Variants in B9D1 observed in about 807,000 individuals in gnomAD.
B9D1 encodes the protein B9 domain containing 1.
Under a neutral mutation model 26.1 loss-of-function variants are expected in B9D1, and 20 were observed. That is an observed-to-expected ratio of 0.77 (90% CI 0.54 to 1.12). The LOEUF is 1.12. Ranked by LOEUF, B9D1 falls within the 50% of genes most tolerant of loss-of-function variation. The pLI, the probability that B9D1 is intolerant of heterozygous loss-of-function variation, is 0.00. For missense variants in B9D1, 260 were observed against 273.7 expected, an observed-to-expected ratio of 0.95 and a Z score of 0.35; for synonymous variants, 105 against 103.1, an observed-to-expected ratio of 1.02 and a Z score of -0.11.
rs1353866222 is a variant in B9D1, at chr17:19,360,139, A to G, written c.132+181T>C. Among the ~76,000 whole-genome samples the G allele has an allele frequency of 7.2e-5, 11 of 152,234 alleles. No homozygotes were observed. The East Asian group carries it at 2.1e-3, about 29-fold the overall frequency. ...TGAGTGCAGTCTTGGTGGATGGATC[A>G]GGGAGTCCAACCATGGCTGTGTCCT... On this transcript the variant is annotated intron_variant, in intron 2 of 6. Transcript: ENST00000261499.
chr17:19,339,781 GTGACCC>G (rs1907749526), downstream of B9D1, among the ~76,000 whole-genome samples: 1 of 152,224 alleles, frequency 6.6e-6, no homozygotes, highest in African/African-American at 2.4e-5. Context: ...AAGTGCTTGT[GTGACCC>G]TGAAGTGGGT....
At chr17:19,346,863 G>A (rs146223827) in intron 5 of B9D1, 6 of 1,356,080 alleles carry the variant, frequency 4.4e-6, no homozygotes, top group African/African-American at 1.5e-5. Context: ...AAGCCTCTGC[G>A]CAAATGTCAG....
chr17:19,343,008 C>T, downstream of B9D1: 2 of 1,095,774 alleles, frequency 1.8e-6, no homozygotes, highest in Non-Finnish European at 2.4e-6. Flanking sequence ...GTCAAAGCTC[C>T]CATCCCACAT....
At chr17:19,368,291 G>A (rs1911701382) in intron 1 of B9D1, among the ~76,000 whole-genome samples, 1 of 152,194 alleles carries the variant, frequency 6.6e-6, no homozygotes, top group South Asian at 2.1e-4. Flanking sequence ...GAAGGGCTGC[G>A]GGAATCCCTG....
At chr17:19,355,267 C>G (rs1024582194) in intron 3 of B9D1, among the ~76,000 whole-genome samples, 5 of 152,164 alleles carry the variant, frequency 3.3e-5, no homozygotes, top group South Asian at 2.1e-4. Flanking sequence ...GGGGCTCAAG[C>G]CTGTAACACC....
Position 19,372,607 on chromosome 17 carries a change from GC to G in B9D1, c.-298+5251del, listed in dbSNP as rs1319591670. 6.6e-6 allele frequency among the ~76,000 whole-genome samples: 1 copy of G among 152,080 alleles called. No individual in the cohort carries two copies. Among genetic ancestry groups the G allele is most frequent in the African/African-American group, 2.4e-5 (1 of 41,394 alleles). On this transcript the variant is annotated intron_variant, in intron 1 of 5. Transcript: ENST00000477478. This position sits in a 1 kb window ranked among gnomAD's most constrained non-coding sequence, Gnocchi z 4.4. Reference sequence around the variant, plus strand: ...GCCCATTCTTAGCTCCCCAGGGCCGGCCCCCCATCTCGGTGCCTGTCACAGA... The same window carrying G: ...GCCCATTCTTAGCTCCCCAGGGCCGGCCCCCATCTCGGTGCCTGTCACAGA...
intron 3 of B9D1, among the ~76,000 whole-genome samples, chr17:19,356,895 A>C (rs565128691): frequency 2.6e-5 from 4 of 152,262 alleles, no homozygotes; most frequent in African/African-American, 9.6e-5. Context: ...TACAGTACCT[A>C]TTGCACTGTT....
At chr17:19,336,181 G>C (rs1422126054), downstream of B9D1, 1 of 152,280 alleles carries the variant, frequency 6.6e-6, no homozygotes, top group African/African-American at 2.4e-5. Context: ...TGCCAGAACT[G>C]CAGGCCTGCG....
intron 3 of B9D1, among the ~76,000 whole-genome samples, chr17:19,352,813 G>A (rs375124251): frequency 7.3e-5 from 11 of 150,410 alleles, no homozygotes; most frequent in Non-Finnish European, 1.3e-4. Flanking sequence ...GAGCCACTGC[G>A]CCCAGCCTAT....
chr17:19,358,334 T>C (rs1910624005), intron 2 of B9D1, among the ~76,000 whole-genome samples: 1 of 152,254 alleles, frequency 6.6e-6, no homozygotes, highest in East Asian at 1.9e-4. Flanking sequence ...CCATCAAAAA[T>C]AGTCCTCTTT....
At chr17:19,340,697 G>A (rs1907867639), downstream of B9D1, among the ~76,000 whole-genome samples, 1 of 150,580 alleles carries the variant, frequency 6.6e-6, no homozygotes, top group East Asian at 2.0e-4. Flanking sequence ...GCTGAGGCAG[G>A]AGAATCACTT....
chr17:19,336,281 A>AGGC (rs1224047159), downstream of B9D1: 1 of 151,940 alleles, frequency 6.6e-6, no homozygotes, highest in East Asian at 1.9e-4. Context: ...ATGGGATGGG[A>AGGC]GGCAGGATGC....
intron 3 of B9D1, among the ~76,000 whole-genome samples, chr17:19,355,726 C>T (rs1480726523): frequency 1.3e-5 from 2 of 151,158 alleles, no homozygotes; most frequent in African/African-American, 2.4e-5. Flanking sequence ...CCCAGCTACT[C>T]GAGAGGCTGA....
intron 1 of B9D1, among the ~76,000 whole-genome samples, chr17:19,369,319 C>T (rs1401877705): frequency 6.6e-6 from 1 of 152,184 alleles, no homozygotes; most frequent in Non-Finnish European, 1.5e-5. Context: ...CCTGCCTGCA[C>T]TGAGACAACT....
At position 19,370,341 on chromosome 17, in the gene B9D1, G is replaced by A. The variant is rs764495352; in HGVS notation, c.-298+7518C>T. Among the ~76,000 whole-genome samples, 258 of 152,368 alleles carry A rather than the reference G, an allele frequency of 1.7e-3. 2 individuals carry two copies. Among genetic ancestry groups the A allele is most frequent in the Non-Finnish European group, 1.2e-3 (83 of 68,034 alleles). On this transcript the variant is annotated intron_variant, in intron 1 of 5. Coordinates refer to the B9D1 transcript ENST00000477478. The surrounding 1 kb of genome is among the most constrained non-coding windows in gnomAD (Gnocchi z 5.1). ...TGGAGCTCAGGGAGAACAACCCTCA[G>A]AGGAGATGGCCCCTGGCTGAGCCTG...
chr17:19,372,453 C>T lies in B9D1; in HGVS notation c.-298+5406G>A, dbSNP rs1203151663. On this transcript the variant is annotated intron_variant, in intron 1 of 5. Coordinates refer to the B9D1 transcript ENST00000477478. The surrounding 1 kb of genome is among the most constrained non-coding windows in gnomAD (Gnocchi z 4.4). ...CTTCTCGTGGCCCTGAGATGTGCCA[C>T]ACTCTCACCCGCATCAGCTCTGTGT... 1.3e-5 allele frequency among the ~76,000 whole-genome samples: 2 copies of T among 152,234 alleles called. No individual in the cohort carries two copies. The highest frequency in any genetic ancestry group is 2.4e-5 in the African/African-American group (1 of 41,456).
At chr17:19,340,317 C>T (rs1907819288), downstream of B9D1, among the ~76,000 whole-genome samples, 1 of 151,704 alleles carries the variant, frequency 6.6e-6, no homozygotes, top group Admixed American at 6.6e-5. Flanking sequence ...ATTACAGGCG[C>T]CCGCCACCAT....
At position 19,343,836 on chromosome 17, in the gene B9D1, G is replaced by C. The variant is rs775970042; in HGVS notation, c.426C>G (p.Pro142=). Residue 142 remains proline, a synonymous_variant, in exon 6 of 7, where the codon CCC becomes CCG. Coordinates refer to ENST00000261499, the MANE Select transcript of B9D1 (RefSeq NM_015681.6). The stretch of plus-strand genomic sequence containing the variant: ...CCACCACCTTGGGGTCTGTGTACTC[G>C]GGCCGCCGCCCCATGAACCAGCTGG... ...KFTSWFMGRR[P]EYTDPKVVAQ... 2 of 1,613,910 alleles carry C rather than the reference G, an allele frequency of 1.2e-6. No homozygotes were observed. Among genetic ancestry groups the C allele is most frequent in the Admixed American group, 3.3e-5 (2 of 59,992 alleles).
upstream of B9D1, among the ~76,000 whole-genome samples, chr17:19,363,981 G>A (rs1274273045): frequency 6.6e-6 from 1 of 152,172 alleles, no homozygotes; most frequent in Non-Finnish European, 1.5e-5. Context: ...TTCCCCTCCT[G>A]GAGAGGGGGT....
Sources: gnomAD v4.1 joint callset for allele counts (sites outside exome capture counted in the v4.1 genomes callset) on GRCh38, gnomAD v4.1.1 for gene constraint, Gnocchi (gnomAD v3.1) non-coding constraint, MANE v1.5 for transcripts, NCBI Gene and HGNC (gene_info 2026-07-23, HGNC 2026-07-21) for gene names.